Variants in FHIT observed in about 807,000 individuals in gnomAD.
FHIT encodes fragile histidine triad diadenosine triphosphatase.
Under a neutral mutation model 17.9 loss-of-function variants are expected in FHIT, and 19 were observed. The observed-to-expected ratio is 1.06, with a 90% confidence interval of 0.74 to 1.56. The LOEUF (loss-of-function observed/expected upper bound fraction) is 1.56, where lower values mean the gene tolerates loss of function less well. FHIT is among the 40% of genes most tolerant of loss of function. FHIT has a pLI of 0.00. For synonymous variants in FHIT, 81 were observed against 69.7 expected, an observed-to-expected ratio of 1.16 and a Z score of -0.81; for missense variants, 248 against 189.2, an observed-to-expected ratio of 1.31 and a Z score of -1.82.
intron 5 of FHIT, among the ~76,000 whole-genome samples, chr3:60,456,651 CTATTTGGAGGCAGA>C (rs1243117157): frequency 1.1e-4 from 17 of 152,148 alleles, no homozygotes; most frequent in African/African-American, 4.1e-4. Context: ...GAAGCTGCAG[CTATTTGGAGGCAGA>C]TTAGAGAGGC....
intron 5 of FHIT, among the ~76,000 whole-genome samples, chr3:60,151,342 T>C (rs1700454549): frequency 6.6e-6 from 1 of 152,160 alleles, no homozygotes; most frequent in Admixed American, 6.5e-5. Context: ...AAGACTCTGA[T>C]CACTTCTTAC....
chr3:60,101,862 C>A (rs950136792), intron 5 of FHIT, among the ~76,000 whole-genome samples: 1 of 152,212 alleles, frequency 6.6e-6, no homozygotes, highest in Non-Finnish European at 1.5e-5. Flanking sequence ...GAGCCACTTC[C>A]TTCAGGAATA....
At chr3:60,265,863 A>G (rs1020787045) in intron 5 of FHIT, among the ~76,000 whole-genome samples, 5 of 151,972 alleles carry the variant, frequency 3.3e-5, no homozygotes, top group Admixed American at 1.3e-4. Flanking sequence ...ATGGTGATCT[A>G]AACACCATGA....
At chr3:60,604,312 A>T (rs2107718496) in intron 4 of FHIT, among the ~76,000 whole-genome samples, 1 of 152,256 alleles carries the variant, frequency 6.6e-6, no homozygotes, top group East Asian at 1.9e-4. Context: ...GACCAAGAAG[A>T]TATAAAGGCC....
At chr3:59,967,951 T>G (rs1708005403) in intron 7 of FHIT, among the ~76,000 whole-genome samples, 1 of 152,150 alleles carries the variant, frequency 6.6e-6, no homozygotes, top group African/African-American at 2.4e-5. Context: ...TCAGGATATC[T>G]GCAAGTTATA....
intron 8 of FHIT, among the ~76,000 whole-genome samples, chr3:59,843,319 T>G (rs1701598664): frequency 6.6e-6 from 1 of 152,206 alleles, no homozygotes; most frequent in South Asian, 2.1e-4. Context: ...CTTTGACTCC[T>G]ACAGTTTACA....
chr3:60,352,391 G>C (rs1229450396), intron 5 of FHIT, among the ~76,000 whole-genome samples: 1 of 152,076 alleles, frequency 6.6e-6, no homozygotes, highest in Middle Eastern at 3.4e-3. Flanking sequence ...AATATCACAG[G>C]TACTCACTAT....
chr3:59,903,386 C>T (rs1297076676), intron 8 of FHIT, among the ~76,000 whole-genome samples: 3 of 152,096 alleles, frequency 2.0e-5, no homozygotes, highest in Non-Finnish European at 4.4e-5. Context: ...TCTGAATATA[C>T]CTGAAATCAC....
intron 4 of FHIT, among the ~76,000 whole-genome samples, chr3:60,574,101 C>T (rs574408217): frequency 2.0e-5 from 3 of 152,218 alleles, no homozygotes; most frequent in South Asian, 2.1e-4. Flanking sequence ...GGAGCCACCA[C>T]GTCTGGTTAG....
intron 5 of FHIT, among the ~76,000 whole-genome samples, chr3:60,336,532 G>A (rs138470484): frequency 7.6e-4 from 115 of 152,228 alleles, no homozygotes; most frequent in African/African-American, 2.5e-3. Context: ...ATCACATTTT[G>A]TGCTCAAGAA....
At chr3:59,783,286 T>C (rs1394178559) in intron 8 of FHIT, among the ~76,000 whole-genome samples, 1 of 152,028 alleles carries the variant, frequency 6.6e-6, no homozygotes, top group Non-Finnish European at 1.5e-5. Context: ...CTGGCCAACA[T>C]GGTGAAGCCC....
Position 60,547,220 on chromosome 3 carries a change from G to C in FHIT, c.-17-10241C>G, listed in dbSNP as rs571725289. On this transcript the variant is annotated intron_variant, in intron 4 of 9. Transcript: ENST00000492590. Reference sequence around the variant, plus strand: ...AGACTAGATGTACCAATATTCTGTGGAATTTTCCAGGGAAAATCATCTTCA... The same window carrying C: ...AGACTAGATGTACCAATATTCTGTGCAATTTTCCAGGGAAAATCATCTTCA... 2.6e-5 allele frequency among the ~76,000 whole-genome samples: 4 copies of C among 152,106 alleles called. No individual in the cohort carries two copies. The East Asian group carries it at 7.7e-4, about 29-fold the overall frequency.
At chr3:60,275,737 G>A (rs1177202309) in intron 5 of FHIT, among the ~76,000 whole-genome samples, 1 of 152,128 alleles carries the variant, frequency 6.6e-6, no homozygotes, top group Non-Finnish European at 1.5e-5. Flanking sequence ...ATTACAGAGG[G>A]TCAAAGTTCT....
At chr3:60,828,231 TATC>T (rs1317875295) in intron 3 of FHIT, among the ~76,000 whole-genome samples, 13 of 152,190 alleles carry the variant, frequency 8.5e-5, no homozygotes, top group Admixed American at 8.5e-4. Flanking sequence ...ATTTTAACAT[TATC>T]ATCACATTTT....
intron 4 of FHIT, chr3:60,690,380 T>C: frequency 3.5e-6 from 2 of 576,636 alleles, no homozygotes; most frequent in South Asian, 1.4e-5. Flanking sequence ...GCAGGGCACA[T>C]GAAAAACTGG....
At chr3:60,063,239 C>G (rs75028812) in intron 5 of FHIT, among the ~76,000 whole-genome samples, 4 of 152,056 alleles carry the variant, frequency 2.6e-5, no homozygotes, top group Non-Finnish European at 5.9e-5. Flanking sequence ...AACAAGGTCC[C>G]GACTGACATC....
chr3:60,703,709 G>A (rs1266200133), intron 4 of FHIT, among the ~76,000 whole-genome samples: 5 of 152,050 alleles, frequency 3.3e-5, no homozygotes, highest in Non-Finnish European at 1.5e-5. Context: ...AATTGTTTAA[G>A]AACCATAGGG....
intron 8 of FHIT, among the ~76,000 whole-genome samples, chr3:59,756,018 C>A (rs536461353): frequency 6.6e-6 from 1 of 152,106 alleles, no homozygotes; most frequent in African/African-American, 2.4e-5. Context: ...GTGAGCAGTG[C>A]CGTGCCTGAC....
intron 2 of FHIT, among the ~76,000 whole-genome samples, chr3:61,066,567 A>T (rs1171130008): frequency 6.6e-6 from 1 of 152,210 alleles, no homozygotes; most frequent in East Asian, 1.9e-4. Context: ...GTGAGCAGAG[A>T]TTGTGCCATT....
Sources: gnomAD v4.1 joint callset for allele counts (sites outside exome capture counted in the v4.1 genomes callset) on GRCh38, gnomAD v4.1.1 for gene constraint, MANE v1.5 for transcripts, NCBI Gene and HGNC (gene_info 2026-07-23, HGNC 2026-07-21) for gene names.